MECOM: variants seen among roughly 807,000 people sequenced by gnomAD.
The protein encoded by MECOM is histone-lysine N-methyltransferase MECOM.
Under a neutral mutation model 116.3 loss-of-function variants are expected in MECOM, and 13 were observed. The ratio of observed to expected loss-of-function variants is 0.11; its 90% CI spans 0.07 to 0.18. The LOEUF (loss-of-function observed/expected upper bound fraction) is 0.18, where lower values mean the gene tolerates loss of function less well. MECOM is among the 10% of genes least tolerant of loss of function. MECOM has a pLI of 1.00. For missense variants in MECOM, 1,299 were observed against 1,509.0 expected, an observed-to-expected ratio of 0.86 and a Z score of 2.31; for synonymous variants, 528 against 535.2, an observed-to-expected ratio of 0.99 and a Z score of 0.19.
At chr3:169,272,659 C>T (rs569688861) in intron 2 of MECOM, among the ~76,000 whole-genome samples, 29 of 152,224 alleles carry the variant, frequency 1.9e-4, no homozygotes, top group Admixed American at 6.5e-4. Context: ...GTGTGGATGA[C>T]GACTTCCCAA....
intron 12 of MECOM, among the ~76,000 whole-genome samples, chr3:169,097,817 TAAAAAA>T (rs539873617): frequency 0.04 from 3,487 of 87,208 alleles, 216 homozygotes; most frequent in African/African-American, 0.13. Flanking sequence ...ACTGTCTATA[TAAAAAA>T]AAAAAAAAAA....
Position 169,134,813 on chromosome 3 carries a change from G to A in MECOM, c.511-3282C>T, listed in dbSNP as rs576490281. ...AATAACATTAATGGTATGCCAGCAGGCATTTGAGAAGAGACAGGAGTAATT... is the reference window on the plus strand; with the variant it reads ...AATAACATTAATGGTATGCCAGCAGACATTTGAGAAGAGACAGGAGTAATT... On this transcript the variant is annotated intron_variant, in intron 3 of 16. Transcript: ENST00000651503. Among the ~76,000 whole-genome samples, 414 of 152,256 alleles carry A rather than the reference G, an allele frequency of 2.7e-3. 1 individual carries two copies. Among genetic ancestry groups the A allele is most frequent in the African/African-American group, 9.4e-3 (391 of 41,542 alleles).
intron 2 of MECOM, among the ~76,000 whole-genome samples, chr3:169,278,098 C>T (rs896957089): frequency 3.3e-5 from 5 of 152,206 alleles, no homozygotes; most frequent in African/African-American, 4.8e-5. Flanking sequence ...AATGATGGCA[C>T]GCCTTAACTA....
At chr3:169,511,822 AC>A (rs1756008102) in intron 1 of MECOM, among the ~76,000 whole-genome samples, 1 of 152,136 alleles carries the variant, frequency 6.6e-6, no homozygotes. Flanking sequence ...ACAGAAGCTG[AC>A]ATCTATTTAC....
chr3:169,543,401 C>T (rs555013634), intron 1 of MECOM, among the ~76,000 whole-genome samples: 6 of 152,226 alleles, frequency 3.9e-5, no homozygotes, highest in African/African-American at 1.4e-4. Context: ...ATAGGAAGAT[C>T]CTGTCTCTAC....
chr3:169,355,079 A>G (rs995382201), intron 2 of MECOM, among the ~76,000 whole-genome samples: 2 of 151,932 alleles, frequency 1.3e-5, no homozygotes, highest in Non-Finnish European at 2.9e-5. Context: ...GCAGCATTCA[A>G]TTTGTCGGGA....
At chr3:169,505,392 C>G (rs16853890) in intron 1 of MECOM, among the ~76,000 whole-genome samples, 25,308 of 151,464 alleles carry the variant, frequency 0.17, 2,273 homozygotes, top group East Asian at 0.33. Context: ...TCCAGTTTTC[C>G]TTGGGTTTAT....
intron 1 of MECOM, among the ~76,000 whole-genome samples, chr3:169,472,533 A>AAAAGAAAAGAAAAGGAAAGGAAAGG (rs1160223015): frequency 4.7e-5 from 4 of 85,160 alleles, no homozygotes; most frequent in African/African-American, 1.8e-4. Flanking sequence ...AAAAGAAAAG[A>AAAAGAAAAGAAAAGGAAAGGAAAGG]AAAGGAAAGG....
intron 2 of MECOM, among the ~76,000 whole-genome samples, chr3:169,273,562 C>G (rs767139192): frequency 5.9e-5 from 9 of 152,140 alleles, no homozygotes; most frequent in Non-Finnish European, 1.3e-4. Flanking sequence ...TGGTTGGCCT[C>G]TAAGTAAAGA....
intron 1 of MECOM, among the ~76,000 whole-genome samples, chr3:169,451,275 A>G (rs964752489): frequency 6.6e-6 from 1 of 151,336 alleles, no homozygotes; most frequent in African/African-American, 2.4e-5. Context: ...GCAAAATGTG[A>G]TATTCACAAG....
At chr3:169,337,565 A>T (rs1723783025) in intron 2 of MECOM, among the ~76,000 whole-genome samples, 1 of 152,146 alleles carries the variant, frequency 6.6e-6, no homozygotes, top group African/African-American at 2.4e-5. Flanking sequence ...CCTGGGAATG[A>T]GTTTCCAGTT....
At position 169,122,705 on chromosome 3, in the gene MECOM, G is replaced by A. The variant is rs1343175295; in HGVS notation, c.853C>T (p.His285Tyr). The change falls in exon 6 of 17, where the codon CAT becomes TAT. Residue 285 changes from histidine to tyrosine, a missense_variant. Physicochemically the swap from His to Tyr is moderately conservative, Grantham distance 83. Around this residue, in one of 6 missense-constraint regions of MECOM, gnomAD observed 374 missense variants for 433.4 expected, o/e 0.86. Transcript: ENST00000651503. ...LQSLEKHMLSHTEEREYKCDQ... is the reference protein window; with the variant it reads ...LQSLEKHMLSYTEEREYKCDQ... ...CACTTGTATTCCCTCTCTTCAGTAT[G>A]TGACAGCATGTGTTTCTCCAGGCTG... The A allele has an allele frequency of 2.5e-6, 4 of 1,613,928 alleles. No homozygotes were observed. The Admixed American group carries it at 5.0e-5, about 20-fold the overall frequency.
chr3:169,599,987 T>C (rs1767634766), intron 1 of MECOM, among the ~76,000 whole-genome samples: 1 of 152,156 alleles, frequency 6.6e-6, no homozygotes, highest in Non-Finnish European at 1.5e-5. Context: ...CTTTTTTTTT[T>C]CTGAGACAGG....
chr3:169,628,036 C>T (rs73174388), intron 1 of MECOM, among the ~76,000 whole-genome samples: 9,278 of 152,228 alleles, frequency 0.061, 380 homozygotes, highest in Non-Finnish European at 0.069. Flanking sequence ...GGAAGCTGCT[C>T]TACATACCAA....
At chr3:169,619,983 G>A (rs1250381954) in intron 1 of MECOM, among the ~76,000 whole-genome samples, 2 of 152,100 alleles carry the variant, frequency 1.3e-5, no homozygotes, top group African/African-American at 2.4e-5. Flanking sequence ...AAACAATAGC[G>A]GCTTCTTGTT....
intron 1 of MECOM, among the ~76,000 whole-genome samples, chr3:169,502,837 T>A (rs1411838865): frequency 6.6e-6 from 1 of 152,190 alleles, no homozygotes; most frequent in East Asian, 1.9e-4. Context: ...AGCAATATTT[T>A]CAGATTGTTA....
chr3:169,088,951 G>A (rs772057084), intron 16 of MECOM, 49 bp downstream of exon 16: 48 of 1,348,120 alleles, frequency 3.6e-5, no homozygotes, highest in Admixed American at 1.4e-4. Flanking sequence ...GGAAATGTAC[G>A]TTTCATGCAT....
intron 5 of MECOM, among the ~76,000 whole-genome samples, chr3:169,126,332 C>T (rs533820548): frequency 9.9e-5 from 15 of 151,996 alleles, no homozygotes; most frequent in African/African-American, 2.2e-4. Context: ...TTTATAATGC[C>T]GTTCATTATT....
Position 169,487,245 on chromosome 3 carries a change from T to G in MECOM, c.38-105721A>C, listed in dbSNP as rs1752491345. On this transcript the variant is annotated intron_variant, in intron 1 of 16. Transcript: ENST00000651503. ...GGAAGGAGTAGGATACAAGAAACAA[T>G]GGTGAGAAAATAAATTGGTAAATAA... Among the ~76,000 whole-genome samples the G allele has an allele frequency of 4.6e-5, 7 of 152,050 alleles. No homozygotes were observed. In the South Asian group the frequency reaches 1.5e-3, roughly 32 times the overall value.
Sources: allele counts gnomAD v4.1 joint callset (sites outside exome capture counted in the v4.1 genomes callset), GRCh38; gene constraint gnomAD v4.1.1; regional missense constraint gnomAD v4.1.1; transcripts MANE v1.5; gene names NCBI Gene and HGNC (gene_info 2026-07-23, HGNC 2026-07-21).